Variants in SLC14A2 observed in about 807,000 individuals in gnomAD.
SLC14A2 encodes solute carrier family 14 member 2, also known as urea transporter 2.
Under a neutral mutation model 104.6 loss-of-function variants are expected in SLC14A2, and 91 were observed. The observed-to-expected ratio is 0.87, with a 90% CI of 0.73 to 1.04. SLC14A2 has a LOEUF of 1.04. Among genes scored for constraint, SLC14A2 ranks in the 50% least tolerant of loss-of-function variants. SLC14A2 has a pLI of 0.00. For missense variants in SLC14A2, 1,189 were observed against 1,156.0 expected (o/e 1.03, Z -0.41); for synonymous variants, 476 against 466.4 (o/e 1.02, Z -0.27).
chr18:45,595,580 G>A (rs1029647015), intron 2 of SLC14A2, among the ~76,000 whole-genome samples: 2 of 152,144 alleles, frequency 1.3e-5, no homozygotes, highest in Non-Finnish European at 2.9e-5. Context: ...GCTAGAAATT[G>A]TGTACTCTCC....
At chr18:45,619,778 C>T (rs188888512) in intron 1 of SLC14A2, among the ~76,000 whole-genome samples, 220 of 152,230 alleles carry the variant, frequency 1.4e-3, no homozygotes, top group Admixed American at 4.2e-3. Context: ...AAAGCTGTTC[C>T]GTTTCACACC....
chr18:45,659,107 C>T (rs578083749), intron 10 of SLC14A2, among the ~76,000 whole-genome samples: 20 of 152,224 alleles, frequency 1.3e-4, no homozygotes, highest in African/African-American at 4.6e-4. Flanking sequence ...GCAGGTATGC[C>T]GAGGAGTTAC....
chr18:45,205,809 T>C, the SLC14A2 span, among the ~76,000 whole-genome samples: 4 of 152,316 alleles, frequency 2.6e-5, no homozygotes, highest in East Asian at 1.9e-4. Flanking sequence ...TCAACAAATA[T>C]AGAGTGAGCA....
chr18:45,211,152 C>A (rs2083958074), upstream of SLC14A2, among the ~76,000 whole-genome samples: 1 of 152,136 alleles, frequency 6.6e-6, no homozygotes. Flanking sequence ...ATTGTGATTT[C>A]CATCCAGTTT....
chr18:45,571,802 G>GAAAACTGAT (rs2044349940), intron 2 of SLC14A2, among the ~76,000 whole-genome samples: 1 of 152,154 alleles, frequency 6.6e-6, no homozygotes, highest in Non-Finnish European at 1.5e-5. Flanking sequence ...AAAAATCAGA[G>GAAAACTGAT]AAAACTGATG....
chr18:45,437,697 C>T (rs940132571), intron 1 of SLC14A2, among the ~76,000 whole-genome samples: 1 of 152,202 alleles, frequency 6.6e-6, no homozygotes. Context: ...GCTCCAATCT[C>T]AGCAGGCAGT....
At chr18:45,572,097 A>G (rs1056026483) in intron 2 of SLC14A2, among the ~76,000 whole-genome samples, 4 of 152,220 alleles carry the variant, frequency 2.6e-5, no homozygotes, top group African/African-American at 2.4e-5. Context: ...AGCTACCGCT[A>G]TGATCAACTT....
intron 1 of SLC14A2, among the ~76,000 whole-genome samples, chr18:45,403,365 G>A (rs1844139008): frequency 6.6e-6 from 1 of 152,212 alleles, no homozygotes; most frequent in Non-Finnish European, 1.5e-5. Flanking sequence ...ACAAAATTTA[G>A]TCCATAACAT....
chr18:45,356,727 C>T (rs1258534632), intron 1 of SLC14A2, among the ~76,000 whole-genome samples: 1 of 152,184 alleles, frequency 6.6e-6, no homozygotes, highest in African/African-American at 2.4e-5. Flanking sequence ...CTAGAATTAG[C>T]CCAGAAGCTT....
At chr18:45,549,522 G>C (rs1308198998) in intron 2 of SLC14A2, among the ~76,000 whole-genome samples, 2 of 152,230 alleles carry the variant, frequency 1.3e-5, no homozygotes, top group Admixed American at 6.5e-5. Context: ...AAGCAGGGGG[G>C]AAGAAATCCG....
chr18:45,669,395 A>G lies in SLC14A2; in HGVS notation c.2126A>G (p.Tyr709Cys). ...TLPFNITVTL[Y>C]LAATGHYNLF... ...CCCTTCAATATCACTGTGACTTTGT[A>G]CCTGGCAGCCACGGGCCACTACAAC... The change falls in exon 16 of 20, where the codon TAC becomes TGC. Residue 709 changes from tyrosine to cysteine, a missense_variant. Coordinates refer to ENST00000255226, the MANE Select transcript of SLC14A2 (RefSeq NM_007163.4). The G allele has an allele frequency of 6.2e-7, 1 of 1,613,738 alleles. No homozygotes were observed. The highest frequency in any genetic ancestry group is 1.7e-5 in the Admixed American group (1 of 60,012).
chr18:45,189,126 AG>A, the SLC14A2 span, among the ~76,000 whole-genome samples: 2 of 152,212 alleles, frequency 1.3e-5, no homozygotes, highest in African/African-American at 4.8e-5. Flanking sequence ...AAAGCTAGTA[AG>A]TGGCAAACTG....
At chr18:45,404,083 A>C (rs935810214) in intron 1 of SLC14A2, among the ~76,000 whole-genome samples, 1 of 152,204 alleles carries the variant, frequency 6.6e-6, no homozygotes, top group Non-Finnish European at 1.5e-5. Context: ...GAGTTTGGGC[A>C]TTAAAACTCT....
chr18:45,180,794 A>G, the SLC14A2 span, among the ~76,000 whole-genome samples: 3 of 152,224 alleles, frequency 2.0e-5, no homozygotes, highest in Non-Finnish European at 4.4e-5. Context: ...AGAACATGAT[A>G]TAATCCTTTC....
At chr18:45,580,008 A>G (rs546393871) in intron 2 of SLC14A2, among the ~76,000 whole-genome samples, 1 of 152,354 alleles carries the variant, frequency 6.6e-6, no homozygotes, top group South Asian at 2.1e-4. Context: ...CCTTGAAACA[A>G]GTATGGGACA....
chr18:45,551,458 G>A (rs982515322), intron 2 of SLC14A2, among the ~76,000 whole-genome samples: 6 of 152,236 alleles, frequency 3.9e-5, no homozygotes, highest in African/African-American at 1.2e-4. Flanking sequence ...AACAGCTACC[G>A]CTGTTGGGAC....
At chr18:45,299,093 C>A (rs1250848237) in intron 1 of SLC14A2, among the ~76,000 whole-genome samples, 4 of 152,134 alleles carry the variant, frequency 2.6e-5, no homozygotes, top group Non-Finnish European at 5.9e-5. Flanking sequence ...AAGAAAGATA[C>A]AGCATTCAGC....
At position 45,584,659 on chromosome 18, in the gene SLC14A2, T is replaced by G. The variant is rs2044542722; in HGVS notation, c.-34-39972T>G. On this transcript the variant is annotated intron_variant, in intron 2 of 20. Coordinates refer to the SLC14A2 transcript ENST00000586448. ...GTGGCGAATGTAGGGCCTTCTTTTT[T>G]GAAAAGAGAGTTTGCAACTTTGAAG... 1.3e-5 allele frequency among the ~76,000 whole-genome samples: 2 copies of G among 152,154 alleles called. 1 individual carries two copies. Among genetic ancestry groups the G allele is most frequent in the South Asian group, 4.1e-4 (2 of 4,826 alleles).
intron 1 of SLC14A2, among the ~76,000 whole-genome samples, chr18:45,323,092 G>A (rs539451848): frequency 8.5e-5 from 13 of 152,166 alleles, no homozygotes; most frequent in South Asian, 2.1e-4. Flanking sequence ...GATTCAGACC[G>A]TATGGACCTC....
Sources: gnomAD v4.1 joint callset for allele counts (sites outside exome capture counted in the v4.1 genomes callset) on GRCh38, gnomAD v4.1.1 for gene constraint, MANE v1.5 for transcripts, NCBI Gene and HGNC (gene_info 2026-07-23, HGNC 2026-07-21) for gene names.